The following PATJ variants were observed in gnomAD, a reference collection of about 807,000 sequenced individuals.
PATJ encodes the protein PATJ crumbs cell polarity complex component, also known as inaD-like protein.
PATJ carries 190 observed loss-of-function variants against 224.9 expected under a neutral mutation model. That is an observed-to-expected ratio of 0.84 (90% confidence interval 0.75 to 0.95). The LOEUF (loss-of-function observed/expected upper bound fraction) is 0.95. PATJ is among the 40% of genes least tolerant of loss of function. The pLI is 0.00. For synonymous variants in PATJ, 769 were observed against 820.3 expected, an observed-to-expected ratio of 0.94 and a Z score of 1.07; for missense variants, 2,121 against 2,270.3, an observed-to-expected ratio of 0.93 and a Z score of 1.34.
At chr1:61,800,614 G>A (rs1474071471) in intron 11 of PATJ, among the ~76,000 whole-genome samples, 1 of 152,026 alleles carries the variant, frequency 6.6e-6, no homozygotes, top group Non-Finnish European at 1.5e-5. Context: ...AAGTTCTAGG[G>A]TACATGTGCA....
At chr1:61,813,364 T>TATAC (rs1655302385) in intron 14 of PATJ, among the ~76,000 whole-genome samples, 3 of 50,904 alleles carry the variant, frequency 5.9e-5, no homozygotes, top group African/African-American at 2.6e-4. Flanking sequence ...TATATATATA[T>TATAC]ATATATATAT....
chr1:61,763,251 G>A, intron 3 of PATJ, 72 bp downstream of exon 3: 1 of 918,694 alleles, frequency 1.1e-6, no homozygotes, highest in Non-Finnish European at 1.5e-6. Context: ...AAAGATAGAG[G>A]AGATAGACAA....
chr1:61,827,543 A>T lies in PATJ; in HGVS notation c.1940A>T (p.Asp647Val). The change falls in exon 16 of 44, where the codon GAT becomes GTT. Residue 647 changes from aspartate to valine, a missense_variant. Asp to Val is a radical substitution (Grantham distance 152, BLOSUM62 -3). Transcript: ENST00000642238. ...RRLFDDEASV[D>V]EPRRTETSLP... ...TTGTTTGATGATGAAGCTTCTGTAG[A>T]TGAACCAAGGCGCACTGAAACCTCT... 6.2e-7 allele frequency: 1 copy of T among 1,614,054 alleles called. No individual in the cohort carries two copies. Among genetic ancestry groups the T allele is most frequent in the Non-Finnish European group, 8.5e-7 (1 of 1,179,988 alleles).
intron 31 of PATJ, among the ~76,000 whole-genome samples, chr1:62,052,634 C>T (rs1391578339): frequency 6.6e-6 from 1 of 151,648 alleles, no homozygotes; most frequent in African/African-American, 2.4e-5. Flanking sequence ...CCCAGCTACT[C>T]GGGAGGCCGA....
Position 62,160,897 on chromosome 1 carries a change from CTT to C in PATJ, c.5503-10_5503-9del, listed in dbSNP as rs1669779289. 1.2e-6 allele frequency: 2 copies of C among 1,612,908 alleles called. No homozygotes were observed. Among genetic ancestry groups the C allele is most frequent in the African/African-American group, 1.3e-5 (1 of 74,836 alleles). On this transcript the variant is annotated splice_polypyrimidine_tract_variant and intron_variant, in intron 43 of 43. Transcript: ENST00000642238. ...TACCCTGGATTAAACTGAAATGTTT[CTT>C]GTTTGTAGGGAGCAGCTGCAGATGA...
chr1:61,921,705 T>C (rs1214142715), intron 26 of PATJ, among the ~76,000 whole-genome samples: 1 of 152,092 alleles, frequency 6.6e-6, no homozygotes, highest in African/African-American at 2.4e-5. Context: ...TACTGGATGA[T>C]TATATTTGTA....
At chr1:62,120,874 G>A in intron 37 of PATJ, 1 of 297,906 alleles carries the variant, frequency 3.4e-6, no homozygotes, top group Non-Finnish European at 6.1e-6. Context: ...GGCAACCTAG[G>A]AAAATGGTTT....
intron 14 of PATJ, among the ~76,000 whole-genome samples, chr1:61,821,147 C>T (rs944680459): frequency 6.6e-6 from 1 of 151,800 alleles, no homozygotes; most frequent in East Asian, 1.9e-4. Context: ...TTTACTTATG[C>T]CATTCTCCTG....
intron 28 of PATJ, among the ~76,000 whole-genome samples, chr1:62,010,093 A>AAAAAG (rs1646350233): frequency 1.4e-5 from 2 of 147,862 alleles, no homozygotes; most frequent in African/African-American, 5.2e-5. Context: ...AAAAAAAAAA[A>AAAAAG]AAAGAAAGAA....
chr1:62,149,895 A>T (rs551079783), intron 42 of PATJ, among the ~76,000 whole-genome samples: 1 of 152,238 alleles, frequency 6.6e-6, no homozygotes, highest in South Asian at 2.1e-4. Flanking sequence ...AATAGAGGCA[A>T]ATTCCATCTG....
chr1:61,751,910 G>A (rs1281601548), intron 1 of PATJ, among the ~76,000 whole-genome samples: 1 of 151,986 alleles, frequency 6.6e-6, no homozygotes, highest in African/African-American at 2.4e-5. Context: ...AGGCCGAGGC[G>A]GGTGGATCAC....
intron 22 of PATJ, among the ~76,000 whole-genome samples, chr1:61,890,028 T>C (rs1669379936): frequency 6.6e-6 from 1 of 152,200 alleles, no homozygotes; most frequent in South Asian, 2.1e-4. Context: ...AGGGGGGACA[T>C]GGACATTTCT....
At chr1:61,887,548 T>C (rs11207857) in intron 22 of PATJ, among the ~76,000 whole-genome samples, 53,424 of 152,036 alleles carry the variant, frequency 0.35, 9,692 homozygotes, top group South Asian at 0.58. Flanking sequence ...CTTTTTCCAA[T>C]GCCCCAGGGA....
intron 20 of PATJ, among the ~76,000 whole-genome samples, chr1:61,872,466 C>G (rs1666776867): frequency 6.6e-6 from 1 of 152,192 alleles, no homozygotes; most frequent in South Asian, 2.1e-4. Context: ...CATCCAGAGG[C>G]AAAACTCCTT....
At position 61,764,031 on chromosome 1, in the gene PATJ, A is replaced by AT. The variant is rs1557599999; in HGVS notation, c.189+860dup. 3.4e-5 allele frequency among the ~76,000 whole-genome samples: 5 copies of AT among 146,330 alleles called. No individual in the cohort carries two copies. In the East Asian group the frequency reaches 8.0e-4, roughly 23 times the overall value. On this transcript the variant is annotated intron_variant, in intron 3 of 43. Transcript: ENST00000642238. ...TTTGTGTGTGTGTGTTATTATTATT[A>AT]TTTTTTTTAGTAGAGACGGGGTTTC...
intron 24 of PATJ, among the ~76,000 whole-genome samples, chr1:61,907,523 A>T (rs78823177): frequency 0.015 from 2,215 of 152,154 alleles, 56 homozygotes; most frequent in African/African-American, 0.051. Context: ...TCTCTCCTTT[A>T]TCATCCATTT....
At chr1:61,882,262 T>C (rs1208737103) in intron 21 of PATJ, among the ~76,000 whole-genome samples, 3 of 152,180 alleles carry the variant, frequency 2.0e-5, no homozygotes, top group Non-Finnish European at 4.4e-5. Context: ...ACTGTTTTCA[T>C]AGGGTAACAT....
chr1:61,864,130 C>A, intron 19 of PATJ, 108 bp from the exon 20 acceptor site: 1 of 834,026 alleles, frequency 1.2e-6, no homozygotes, highest in Non-Finnish European at 1.9e-6. Context: ...GTTAGCTGTG[C>A]CTTGGCATAT....
chr1:62,071,217 G>A (rs1314955797), intron 31 of PATJ, among the ~76,000 whole-genome samples: 3 of 152,182 alleles, frequency 2.0e-5, no homozygotes, highest in African/African-American at 4.8e-5. Context: ...TCTTAGCACC[G>A]TGGTTATGGG....
Sources: allele counts gnomAD v4.1 joint callset (sites outside exome capture counted in the v4.1 genomes callset), GRCh38; gene constraint gnomAD v4.1.1; transcripts MANE v1.5; gene names NCBI Gene and HGNC (gene_info 2026-07-23, HGNC 2026-07-21).